FOXP2: variants seen among roughly 807,000 people sequenced by gnomAD.
The protein encoded by FOXP2 is forkhead box P2, also known as forkhead box protein P2.
FOXP2 carries 12 observed loss-of-function variants against 115.8 expected under a neutral mutation model. The ratio of observed to expected loss-of-function variants is 0.10; its 90% CI spans 0.07 to 0.17. FOXP2 has a LOEUF of 0.17. FOXP2 is among the 10% of genes least tolerant of loss of function. FOXP2 has a pLI of 1.00. For synonymous variants in FOXP2, 328 were observed against 297.7 expected, an observed-to-expected ratio of 1.10 and a Z score of -1.05; for missense variants, 629 against 843.5, an observed-to-expected ratio of 0.75 and a Z score of 3.15.
intron 3 of FOXP2, among the ~76,000 whole-genome samples, chr7:114,606,747 T>A (rs1803353687): frequency 6.6e-6 from 1 of 152,154 alleles, no homozygotes; most frequent in African/African-American, 2.4e-5. Flanking sequence ...TGAACAGAAT[T>A]TTGGGAACAG....
intron 2 of FOXP2, among the ~76,000 whole-genome samples, chr7:114,305,813 C>T (rs1405429089): frequency 7.9e-5 from 12 of 152,158 alleles, no homozygotes; most frequent in Admixed American, 4.6e-4. Flanking sequence ...AATATTTCAC[C>T]GGCCTTATAA....
intron 2 of FOXP2, among the ~76,000 whole-genome samples, chr7:114,517,306 A>G (rs1388348535): frequency 2.0e-5 from 3 of 151,786 alleles, no homozygotes; most frequent in Non-Finnish European, 2.9e-5. Context: ...TCGTCTCTTT[A>G]TTGCTTGTTT....
intron 2 of FOXP2, among the ~76,000 whole-genome samples, chr7:114,526,172 T>TAAAAAAAAAAA (rs3028251): frequency 1.3e-5 from 1 of 79,742 alleles, no homozygotes; most frequent in East Asian, 4.0e-4. Flanking sequence ...GTTTCTTTAT[T>TAAAAAAAAAAA]AAAAAAAAAA....
intron 1 of FOXP2, among the ~76,000 whole-genome samples, chr7:114,151,040 G>C (rs1167129804): frequency 6.6e-6 from 1 of 151,960 alleles, no homozygotes; most frequent in Non-Finnish European, 1.5e-5. Flanking sequence ...TCTCATCTCA[G>C]TTGTTAGAAA....
intron 2 of FOXP2, among the ~76,000 whole-genome samples, chr7:114,450,153 A>G (rs1795008728): frequency 6.6e-6 from 1 of 152,050 alleles, no homozygotes; most frequent in Non-Finnish European, 1.5e-5. Flanking sequence ...ACTCAATGCC[A>G]TTATGTTGAT....
chr7:114,252,907 C>T (rs974103789), intron 1 of FOXP2, among the ~76,000 whole-genome samples: 2 of 152,142 alleles, frequency 1.3e-5, no homozygotes, highest in African/African-American at 2.4e-5. Flanking sequence ...TTAGATCTTT[C>T]CTGCTTTCTC....
intron 1 of FOXP2, among the ~76,000 whole-genome samples, chr7:114,185,935 C>T (rs1218164138): frequency 6.6e-6 from 1 of 151,878 alleles, no homozygotes; most frequent in African/African-American, 2.4e-5. Context: ...TATCAATATA[C>T]GGGCATCTGG....
At chr7:114,173,960 A>G (rs1195163981) in intron 1 of FOXP2, among the ~76,000 whole-genome samples, 1 of 151,806 alleles carries the variant, frequency 6.6e-6, no homozygotes, top group Non-Finnish European at 1.5e-5. Flanking sequence ...GTTAGAATTT[A>G]TATTGATTTT....
At chr7:114,196,452 A>G (rs1584538339) in intron 1 of FOXP2, among the ~76,000 whole-genome samples, 1 of 152,226 alleles carries the variant, frequency 6.6e-6, no homozygotes, top group Admixed American at 6.5e-5. Context: ...ATATTGGAGA[A>G]AAATTATTAA....
intron 2 of FOXP2, among the ~76,000 whole-genome samples, chr7:114,512,062 G>T (rs994084681): frequency 6.6e-6 from 1 of 151,986 alleles, no homozygotes; most frequent in Non-Finnish European, 1.5e-5. Flanking sequence ...TTAAGAGTTT[G>T]ATTTTGTTTT....
chr7:114,442,173 T>G (rs1221571210), intron 2 of FOXP2, among the ~76,000 whole-genome samples: 1 of 152,174 alleles, frequency 6.6e-6, no homozygotes, highest in Non-Finnish European at 1.5e-5. Context: ...AGCACTGATA[T>G]ATGCCACAAT....
At position 114,196,423 on chromosome 7, in the gene FOXP2, A is replaced by G. The variant is rs753563970; in HGVS notation, c.-102+33335A>G. On this transcript the variant is annotated intron_variant, in intron 1 of 17. Transcript: ENST00000634411. ...CTAACTTTAGACACTTAATTCCCAA[A>G]CCTGGTGATTATTAAACTATATTGG... 6.2e-4 allele frequency among the ~76,000 whole-genome samples: 95 copies of G among 152,128 alleles called. 1 individual carries two copies. Among genetic ancestry groups the G allele is most frequent in the Non-Finnish European group, 7.4e-5 (5 of 68,016 alleles).
intron 2 of FOXP2, among the ~76,000 whole-genome samples, chr7:114,389,303 T>A (rs1340897635): frequency 3.3e-5 from 5 of 152,304 alleles, no homozygotes; most frequent in South Asian, 4.1e-4. Context: ...TTAGAGTTTC[T>A]AGAGGAGTGA....
chr7:114,174,557 A>G (rs983943892), intron 1 of FOXP2, among the ~76,000 whole-genome samples: 1 of 152,042 alleles, frequency 6.6e-6, no homozygotes, highest in Non-Finnish European at 1.5e-5. Context: ...TCACAGAATA[A>G]TATACTGCTC....
At chr7:114,254,760 A>G (rs181301193) in intron 1 of FOXP2, among the ~76,000 whole-genome samples, 1 of 152,284 alleles carries the variant, frequency 6.6e-6, no homozygotes, top group East Asian at 1.9e-4. Flanking sequence ...AGCTCAGAGA[A>G]GTTTGATCGT....
chr7:114,440,182 T>A (rs1652281743), intron 2 of FOXP2, among the ~76,000 whole-genome samples: 1 of 152,178 alleles, frequency 6.6e-6, no homozygotes, highest in African/African-American at 2.4e-5. Flanking sequence ...CTGTTCAAAG[T>A]CACATAGCTA....
chr7:114,686,130 G>GT (rs550758126), intron 16 of FOXP2, among the ~76,000 whole-genome samples: 317 of 150,978 alleles, frequency 2.1e-3, no homozygotes, highest in African/African-American at 6.6e-3. Context: ...CAAATAATAA[G>GT]TTTTTTTTAT....
At chr7:114,218,127 T>C (rs1794530231) in intron 1 of FOXP2, among the ~76,000 whole-genome samples, 3 of 152,158 alleles carry the variant, frequency 2.0e-5, no homozygotes, top group Non-Finnish European at 4.4e-5. Flanking sequence ...CCTCAGAAAG[T>C]GCTAACACTC....
At chr7:114,337,769 T>C (rs1797891120) in intron 2 of FOXP2, among the ~76,000 whole-genome samples, 1 of 151,114 alleles carries the variant, frequency 6.6e-6, no homozygotes, top group Non-Finnish European at 1.5e-5. Context: ...AAATAGATAA[T>C]CATACAAAAG....
Sources: gnomAD v4.1 joint callset for allele counts (sites outside exome capture counted in the v4.1 genomes callset) on GRCh38, gnomAD v4.1.1 for gene constraint, MANE v1.5 for transcripts, NCBI Gene and HGNC (gene_info 2026-07-23, HGNC 2026-07-21) for gene names.